The following TRPM3 variants were observed in gnomAD, a reference collection of about 807,000 sequenced individuals.
The protein encoded by TRPM3 is long transient receptor potential channel 3.
TRPM3 carries 77 observed loss-of-function variants against 181.2 expected under a neutral mutation model. That is an observed-to-expected ratio of 0.42 (90% CI 0.35 to 0.51). The LOEUF (loss-of-function observed/expected upper bound fraction) is 0.51. Among genes scored for constraint, TRPM3 ranks in the 20% least tolerant of loss-of-function variants. The pLI, the probability that TRPM3 is intolerant of heterozygous loss-of-function variation, is 0.01. For synonymous variants in TRPM3, 745 were observed against 796.4 expected, an observed-to-expected ratio of 0.94 and a Z score of 1.09; for missense variants, 1,759 against 2,196.7, an observed-to-expected ratio of 0.80 and a Z score of 3.98.
chr9:71,318,443 GTT>G (rs1431373917), intron 1 of TRPM3, among the ~76,000 whole-genome samples: 1 of 152,082 alleles, frequency 6.6e-6, no homozygotes, highest in Non-Finnish European at 1.5e-5. Flanking sequence ...TGAAACAAGT[GTT>G]TTATTTTTCA....
intron 1 of TRPM3, among the ~76,000 whole-genome samples, chr9:71,186,629 G>A (rs1329923563): frequency 6.6e-6 from 1 of 152,030 alleles, no homozygotes; most frequent in East Asian, 1.9e-4. Flanking sequence ...GACCAAGTTA[G>A]GGATGAAGTT....
chr9:71,423,006 G>A (rs1474019436), intron 1 of TRPM3, among the ~76,000 whole-genome samples: 11 of 152,044 alleles, frequency 7.2e-5, no homozygotes, highest in Admixed American at 7.2e-4. Flanking sequence ...TCTCAGCCCA[G>A]TAAACTGACA....
intron 6 of TRPM3, among the ~76,000 whole-genome samples, chr9:70,808,182 A>C (rs2091115471): frequency 6.6e-6 from 1 of 152,228 alleles, no homozygotes; most frequent in Non-Finnish European, 1.5e-5. Flanking sequence ...CTAGGAACCT[A>C]TTGTATCTGA....
intron 1 of TRPM3, among the ~76,000 whole-genome samples, chr9:70,879,470 A>G (rs2095940820): frequency 6.6e-6 from 1 of 151,976 alleles, no homozygotes; most frequent in East Asian, 1.9e-4. Flanking sequence ...ATGGACTTCT[A>G]AGTACTTTGT....
chr9:71,130,400 G>A (rs1470558616), intron 1 of TRPM3, among the ~76,000 whole-genome samples: 1 of 152,068 alleles, frequency 6.6e-6, no homozygotes, highest in Non-Finnish European at 1.5e-5. Flanking sequence ...AGATGCACGT[G>A]GCCAGAAACT....
intron 8 of TRPM3, 24 bp from the exon 9 acceptor site, chr9:70,681,602 A>G: frequency 1.2e-6 from 2 of 1,605,756 alleles, no homozygotes; most frequent in Non-Finnish European, 1.7e-6. Context: ...CAAGGTGATC[A>G]TTAGCAAAGC....
At chr9:71,400,238 G>A (rs1005495219) in intron 1 of TRPM3, among the ~76,000 whole-genome samples, 2 of 152,246 alleles carry the variant, frequency 1.3e-5, no homozygotes, top group East Asian at 3.9e-4. Flanking sequence ...TTAGATTACA[G>A]GTGTGAGCCA....
chr9:70,888,359 T>TGG (rs1456519480), intron 1 of TRPM3, among the ~76,000 whole-genome samples: 131 of 104,582 alleles, frequency 1.3e-3, no homozygotes, highest in East Asian at 8.0e-3. Context: ...GCTTTTATTT[T>TGG]GGGGTGTGTG....
In TRPM3 at chr9:70,620,063, TG is replaced by T. The variant is rs1564587254; in HGVS notation, c.2129+12del. 6.3e-7 allele frequency: 1 copy of T among 1,592,950 alleles called. No individual in the cohort carries two copies. The highest frequency in any genetic ancestry group is 2.2e-5 in the East Asian group (1 of 44,464). On this transcript the variant is annotated intron_variant, in intron 16 of 25. Coordinates refer to ENST00000677713, the MANE Select transcript of TRPM3 (RefSeq NM_001366145.2). ...TCTCCCCCTGACCAGCCCATTTTGC[TG>T]GGCGGACCCACCTGGAATTGTGATT...
chr9:70,598,283 A>G (rs1443460538), intron 21 of TRPM3, 136 bp downstream of exon 21: 1 of 1,153,788 alleles, frequency 8.7e-7, no homozygotes, highest in Non-Finnish European at 1.2e-6. Flanking sequence ...TTCAAAAGGA[A>G]TTCATAAAAT....
Position 70,793,219 on chromosome 9 carries a change from C to T in TRPM3, c.974-8940G>A, listed in dbSNP as rs575989288. Among the ~76,000 whole-genome samples the T allele has an allele frequency of 1.1e-4, 17 of 152,050 alleles. No individual in the cohort carries two copies. In the East Asian group the frequency reaches 2.9e-3, roughly 26 times the overall value. ...CCGTAATCCCAGCTCTTTGGGAGAC[C>T]GAGGCGGGAGGATCATTTGAGCCCA... On this transcript the variant is annotated intron_variant, in intron 6 of 25. Coordinates refer to ENST00000677713, the MANE Select transcript of TRPM3 (RefSeq NM_001366145.2).
Position 71,144,964 on chromosome 9 carries a change from A to G in TRPM3, c.184-280453T>C, listed in dbSNP as rs2075324496. ...ATGACAACCCAGATTTATATTTTTGAGTTCCAAATAACCGTGTCACCAGAA... is the reference window on the plus strand; with the variant it reads ...ATGACAACCCAGATTTATATTTTTGGGTTCCAAATAACCGTGTCACCAGAA... On this transcript the variant is annotated intron_variant, in intron 1 of 24. Transcript: ENST00000357533. 2.0e-5 allele frequency among the ~76,000 whole-genome samples: 3 copies of G among 152,176 alleles called. No homozygotes were observed. The South Asian group carries it at 6.2e-4, about 31-fold the overall frequency.
chr9:70,759,151 C>T (rs1446193884), intron 8 of TRPM3, among the ~76,000 whole-genome samples: 1 of 152,022 alleles, frequency 6.6e-6, no homozygotes, highest in Non-Finnish European at 1.5e-5. Context: ...AACAAACAAC[C>T]CCGTCAAAAA....
chr9:70,670,014 G>A (rs1442633272), intron 9 of TRPM3, among the ~76,000 whole-genome samples: 2 of 152,162 alleles, frequency 1.3e-5, no homozygotes, highest in Non-Finnish European at 2.9e-5. Context: ...TAAGATTACA[G>A]GTGTGAGCCA....
intron 1 of TRPM3, among the ~76,000 whole-genome samples, chr9:71,194,346 C>A (rs2078213689): frequency 6.6e-6 from 1 of 151,902 alleles, no homozygotes; most frequent in South Asian, 2.1e-4. Flanking sequence ...GTTTCCTCTT[C>A]TTCCTTGATA....
chr9:71,424,766 A>G (rs1048849657), intron 1 of TRPM3, among the ~76,000 whole-genome samples: 2 of 152,096 alleles, frequency 1.3e-5, no homozygotes, highest in Non-Finnish European at 2.9e-5. Flanking sequence ...ATTAATAGGA[A>G]AAGTACCTTG....
At chr9:71,351,480 A>G (rs1040945935) in intron 1 of TRPM3, among the ~76,000 whole-genome samples, 2 of 152,258 alleles carry the variant, frequency 1.3e-5, no homozygotes, top group African/African-American at 4.8e-5. Flanking sequence ...AACTATATAT[A>G]TGATTAGTGA....
At chr9:70,668,902 C>T (rs187484609) in intron 9 of TRPM3, among the ~76,000 whole-genome samples, 1 of 152,302 alleles carries the variant, frequency 6.6e-6, no homozygotes, top group Admixed American at 6.5e-5. Flanking sequence ...ATTCATTGCC[C>T]TGAAGCAAGC....
intron 1 of TRPM3, among the ~76,000 whole-genome samples, chr9:70,924,989 C>T (rs914756642): frequency 2.0e-5 from 3 of 152,134 alleles, no homozygotes; most frequent in Admixed American, 6.6e-5. Context: ...TGCGCTCTTT[C>T]CACTGAACCG....
Sources: allele counts gnomAD v4.1 joint callset (sites outside exome capture counted in the v4.1 genomes callset), GRCh38; gene constraint gnomAD v4.1.1; transcripts MANE v1.5; gene names NCBI Gene and HGNC (gene_info 2026-07-23, HGNC 2026-07-21).